The following LCLAT1 variants were observed in gnomAD, a reference collection of about 807,000 sequenced individuals.
The protein encoded by LCLAT1 is 1-AGP acyltransferase 8.
In LCLAT1, 11 loss-of-function variants were observed where a neutral mutation model predicts 30.7. The ratio of observed to expected loss-of-function variants is 0.36; its 90% CI spans 0.23 to 0.59. LCLAT1 has a LOEUF of 0.59. Among genes scored for constraint, LCLAT1 ranks in the 20% least tolerant of loss-of-function variants. The pLI is 0.77. For missense variants in LCLAT1, 402 were observed against 458.6 expected, an observed-to-expected ratio of 0.88 and a Z score of 1.13; for synonymous variants, 155 against 151.3, an observed-to-expected ratio of 1.02 and a Z score of -0.18.
At chr2:30,543,662 T>G (rs1193349180) in intron 3 of LCLAT1, among the ~76,000 whole-genome samples, 1 of 152,162 alleles carries the variant, frequency 6.6e-6, no homozygotes, top group African/African-American at 2.4e-5. Flanking sequence ...AGAAATTGTG[T>G]TACCTAAGTT....
At chr2:30,475,413 CT>C (rs928417408) in intron 1 of LCLAT1, among the ~76,000 whole-genome samples, 12 of 152,020 alleles carry the variant, frequency 7.9e-5, no homozygotes, top group African/African-American at 2.7e-4. Context: ...GTATTATATG[CT>C]TTTTTTAAAT....
chr2:30,575,957 G>T (rs903953720), intron 5 of LCLAT1, among the ~76,000 whole-genome samples: 2 of 151,998 alleles, frequency 1.3e-5, no homozygotes, highest in African/African-American at 4.8e-5. Context: ...ATTGTGAAAG[G>T]TAGGTCCAGG....
At chr2:30,488,512 C>G (rs1357595003) in intron 1 of LCLAT1, among the ~76,000 whole-genome samples, 5 of 152,342 alleles carry the variant, frequency 3.3e-5, no homozygotes, top group South Asian at 2.1e-4. Flanking sequence ...TTTACTTTCT[C>G]TTTTCTTTTA....
At chr2:30,638,863 T>TCTCCCACATCCAGTTGGCCACTGTACGG (rs1192664329) in intron 5 of LCLAT1, among the ~76,000 whole-genome samples, 18 of 147,838 alleles carry the variant, frequency 1.2e-4, no homozygotes, top group South Asian at 2.1e-4. Flanking sequence ...GTCACATCCG[T>TCTCCCACATCCAGTTGGCCACTGTACGG]TCTTCCTTGT....
intron 1 of LCLAT1, among the ~76,000 whole-genome samples, chr2:30,520,533 T>G (rs1685425792): frequency 6.6e-6 from 1 of 152,216 alleles, no homozygotes; most frequent in Admixed American, 6.5e-5. Flanking sequence ...CTGTGTAGCC[T>G]TAAGTAAGTT....
intron 3 of LCLAT1, among the ~76,000 whole-genome samples, chr2:30,536,534 A>G (rs988824277): frequency 2.0e-5 from 3 of 152,252 alleles, no homozygotes; most frequent in African/African-American, 7.2e-5. Context: ...GTAACTGGCA[A>G]TGCTATTCTT....
chr2:30,628,018 C>A (rs1668595862), intron 5 of LCLAT1, among the ~76,000 whole-genome samples: 1 of 151,912 alleles, frequency 6.6e-6, no homozygotes, highest in Non-Finnish European at 1.5e-5. Flanking sequence ...TCTATAAGGT[C>A]AAAAAGTCTA....
At chr2:30,633,463 C>A (rs915422193) in intron 5 of LCLAT1, among the ~76,000 whole-genome samples, 1 of 152,010 alleles carries the variant, frequency 6.6e-6, no homozygotes, top group East Asian at 1.9e-4. Flanking sequence ...CCGAGGCGGG[C>A]GGATCACGAG....
intron 2 of LCLAT1, among the ~76,000 whole-genome samples, chr2:30,531,683 CTG>C (rs1685992519): frequency 6.6e-6 from 1 of 152,144 alleles, no homozygotes; most frequent in Non-Finnish European, 1.5e-5. Flanking sequence ...CACTTTGACT[CTG>C]TAACAATTTG....
At chr2:30,496,925 T>C (rs573675847) in intron 1 of LCLAT1, among the ~76,000 whole-genome samples, 1 of 152,202 alleles carries the variant, frequency 6.6e-6, no homozygotes, top group Non-Finnish European at 1.5e-5. Context: ...GCTACTGTTA[T>C]TATTTCTGGC....
rs545209218 is a variant in LCLAT1 at position 30,466,756 on chromosome 2, C to T, written c.-5+19373C>T. ...CTGCATTTTTAACAAGCTCCCCACCCCCTGGTAATCTGGATTAACATCAGC... is the reference window on the plus strand; with the variant it reads ...CTGCATTTTTAACAAGCTCCCCACCTCCTGGTAATCTGGATTAACATCAGC... On this transcript the variant is annotated intron_variant, in intron 1 of 5. Transcript: ENST00000379509. 5.3e-5 allele frequency among the ~76,000 whole-genome samples: 8 copies of T among 152,184 alleles called. No homozygotes were observed. The South Asian group carries it at 1.7e-3, about 32-fold the overall frequency.
intron 5 of LCLAT1, among the ~76,000 whole-genome samples, chr2:30,599,020 G>A (rs1174742870): frequency 6.7e-6 from 1 of 150,304 alleles, no homozygotes; most frequent in Non-Finnish European, 1.5e-5. Context: ...GTCTCACTCT[G>A]GGTCCAGGCT....
intron 1 of LCLAT1, among the ~76,000 whole-genome samples, chr2:30,452,822 A>G (rs547520154): frequency 6.6e-6 from 1 of 152,212 alleles, no homozygotes; most frequent in East Asian, 1.9e-4. Flanking sequence ...GCTGTGAGGT[A>G]ATGCCCCAAA....
chr2:30,612,583 T>C (rs1241744927), intron 5 of LCLAT1, among the ~76,000 whole-genome samples: 1 of 152,168 alleles, frequency 6.6e-6, no homozygotes, highest in Non-Finnish European at 1.5e-5. Flanking sequence ...AACAATAATA[T>C]AGTGATTGCA....
chr2:30,565,546 A>G (rs116836983), intron 4 of LCLAT1, among the ~76,000 whole-genome samples: 1 of 152,172 alleles, frequency 6.6e-6, no homozygotes, highest in Admixed American at 6.5e-5. Flanking sequence ...TTAGTATGTG[A>G]TAATTTTGAG....
Position 30,464,096 on chromosome 2 carries a change from C to T in LCLAT1, c.-5+16713C>T, listed in dbSNP as rs530432461. Among the ~76,000 whole-genome samples the T allele has an allele frequency of 3.9e-4, 59 of 152,216 alleles. 1 individual carries two copies. In the South Asian group the frequency reaches 0.012, roughly 31 times the overall value. On this transcript the variant is annotated intron_variant, in intron 1 of 5. Transcript: ENST00000379509. ...CTCTTAGCAATTGTATGTTTGAGGCCTTATTTTCCTATGCCCTCACTTTGC... is the reference window on the plus strand; with the variant it reads ...CTCTTAGCAATTGTATGTTTGAGGCTTTATTTTCCTATGCCCTCACTTTGC...
chr2:30,450,745 G>T (rs1465076740), intron 1 of LCLAT1, among the ~76,000 whole-genome samples: 1 of 152,180 alleles, frequency 6.6e-6, no homozygotes, highest in African/African-American at 2.4e-5. Flanking sequence ...TCAAAGCAAG[G>T]GGGAGAACTG....
chr2:30,554,571 A>G (rs996071172), intron 3 of LCLAT1, among the ~76,000 whole-genome samples: 1 of 152,198 alleles, frequency 6.6e-6, no homozygotes, highest in Non-Finnish European at 1.5e-5. Flanking sequence ...AATAGGGATA[A>G]TAATTTTACT....
chr2:30,566,050 C>T (rs1410282993), intron 4 of LCLAT1, among the ~76,000 whole-genome samples: 5 of 151,992 alleles, frequency 3.3e-5, no homozygotes, highest in East Asian at 1.9e-4. Context: ...CAGGGAGTAA[C>T]GTGACAAGAC....
Sources: gnomAD v4.1 joint callset for allele counts (sites outside exome capture counted in the v4.1 genomes callset) on GRCh38, gnomAD v4.1.1 for gene constraint, MANE v1.5 for transcripts, NCBI Gene and HGNC (gene_info 2026-07-23, HGNC 2026-07-21) for gene names.